Variants in AKR1B15 observed in about 807,000 individuals in gnomAD.
AKR1B15 encodes aldo-keto reductase family 1 member B15.
AKR1B15 carries 49 observed loss-of-function variants against 38.5 expected under a neutral mutation model. The observed-to-expected ratio is 1.27, with a 90% CI of 1.01 to 1.62. The LOEUF (loss-of-function observed/expected upper bound fraction) is 1.62, where lower values mean the gene tolerates loss of function less well. AKR1B15 is among the 40% of genes most tolerant of loss of function. The probability of loss-of-function intolerance (pLI) is 0.00; values close to 1 mark genes in which losing one functional copy is unlikely to be tolerated. For missense variants in AKR1B15, 411 were observed against 381.6 expected, an observed-to-expected ratio of 1.08 and a Z score of -0.64; for synonymous variants, 137 against 135.5, an observed-to-expected ratio of 1.01 and a Z score of -0.08.
intron 3 of AKR1B15, 75 bp from the exon 4 acceptor site, chr7:134,568,083 G>T (rs924251720): frequency 1.3e-6 from 2 of 1,567,484 alleles, no homozygotes; most frequent in East Asian, 4.6e-5. Flanking sequence ...TGTGAGGCCA[G>T]CCTGGGCAAC....
At chr7:134,564,565 T>G in intron 2 of AKR1B15, 33 bp from the exon 3 acceptor site, 2 of 675,942 alleles carry the variant, frequency 3.0e-6, no homozygotes, top group South Asian at 3.2e-5. Context: ...GGCCCTGTAT[T>G]TTTAACCTCC....
chr7:134,562,852 T>TTCTG (rs1382849803), intron 2 of AKR1B15, among the ~76,000 whole-genome samples: 2 of 110,898 alleles, frequency 1.8e-5, no homozygotes, highest in East Asian at 4.1e-4. Context: ...CTTTCTTTCT[T>TTCTG]TCTTTCTTTC....
At chr7:134,573,576 A>G (rs1318527745) in intron 6 of AKR1B15, 1 of 982,086 alleles carries the variant, frequency 1.0e-6, no homozygotes, top group Admixed American at 6.1e-5. Context: ...CAACCAGTTC[A>G]GTAGAAACCT....
intron 2 of AKR1B15, among the ~76,000 whole-genome samples, chr7:134,557,840 A>G (rs909234854): frequency 2.0e-5 from 3 of 152,164 alleles, no homozygotes; most frequent in Admixed American, 6.5e-5. Flanking sequence ...GCAATAAAGG[A>G]TCACTGAATT....
intron 1 of AKR1B15, among the ~76,000 whole-genome samples, 158 bp from the exon 2 acceptor site, chr7:134,556,578 A>C (rs1794204676): frequency 6.6e-6 from 1 of 151,962 alleles, no homozygotes; most frequent in African/African-American, 2.4e-5. Context: ...GGCACCCAAA[A>C]ATACCTGGTT....
chr7:134,550,542 G>C (rs1793931956), intron 1 of AKR1B15, among the ~76,000 whole-genome samples: 1 of 152,190 alleles, frequency 6.6e-6, no homozygotes, highest in Non-Finnish European at 1.5e-5. Context: ...CTCGAAGCTT[G>C]AGGAGACAGA....
intron 2 of AKR1B15, among the ~76,000 whole-genome samples, chr7:134,557,755 C>CT (rs1356931654): frequency 6.6e-6 from 1 of 152,000 alleles, no homozygotes; most frequent in Non-Finnish European, 1.5e-5. Flanking sequence ...CTCTTTAGAC[C>CT]AAGGTGTAAA....
Position 134,577,192 on chromosome 7 carries a change from G to A in AKR1B15, c.909+146G>A, listed in dbSNP as rs374259380. On this transcript the variant is annotated intron_variant, in intron 10 of 11. Transcript: ENST00000457545. ...TATCATTTTCCAGCCCAGGGAGCTA[G>A]GCTCGGTAGAGCTGAGATGAATGAC... is the stretch of plus-strand genomic sequence containing the variant. 9 of 863,988 alleles carry A rather than the reference G, an allele frequency of 1.0e-5. No homozygotes were observed. The South Asian group carries it at 1.2e-4, about 11-fold the overall frequency. The allele number at this position is 863,988 out of a possible 1,614,324, so 53.5% of individuals were successfully genotyped here. A position where few individuals can be genotyped will look rare whatever the true frequency, so the allele number is the denominator to read the frequency against.
chr7:134,557,137 A>G (rs977233883), intron 2 of AKR1B15, among the ~76,000 whole-genome samples: 2 of 152,196 alleles, frequency 1.3e-5, no homozygotes, highest in African/African-American at 4.8e-5. Context: ...GTACCAAAGT[A>G]CCAAAGCATG....
intron 9 of AKR1B15, 80 bp downstream of exon 9, chr7:134,576,510 T>C: frequency 6.6e-7 from 1 of 1,522,660 alleles, no homozygotes; most frequent in South Asian, 1.2e-5. Context: ...TGTCCTCAAC[T>C]GACTCCTTAA....
intron 2 of AKR1B15, among the ~76,000 whole-genome samples, chr7:134,562,430 T>A (rs1376920748): frequency 1.3e-5 from 2 of 150,804 alleles, no homozygotes; most frequent in Non-Finnish European, 3.0e-5. Flanking sequence ...TGCTGATTGG[T>A]CCATTTTACA....
At chr7:134,551,943 C>G (rs1298099327) in intron 1 of AKR1B15, among the ~76,000 whole-genome samples, 1 of 152,156 alleles carries the variant, frequency 6.6e-6, no homozygotes, top group Non-Finnish European at 1.5e-5. Context: ...GCCCCGGGAA[C>G]CCATGGTGAC....
At chr7:134,567,673 C>G (rs577756354) in intron 3 of AKR1B15, among the ~76,000 whole-genome samples, 6 of 152,168 alleles carry the variant, frequency 3.9e-5, no homozygotes, top group South Asian at 2.1e-4. Context: ...TCCTTATCAC[C>G]GTTTGGGGAA....
chr7:134,578,094 AG>A, intron 11 of AKR1B15, among the ~76,000 whole-genome samples: 1 of 152,198 alleles, frequency 6.6e-6, no homozygotes, highest in East Asian at 1.9e-4. Context: ...TCTGTGTGCC[AG>A]GCATTTTCTA....
At chr7:134,569,170 A>G (rs1486819236) in intron 4 of AKR1B15, among the ~76,000 whole-genome samples, 3 of 152,234 alleles carry the variant, frequency 2.0e-5, no homozygotes, top group Non-Finnish European at 4.4e-5. Flanking sequence ...TACTTAAATG[A>G]TCTGAGACAC....
At chr7:134,579,429 C>T in intron 11 of AKR1B15, 78 bp from the exon 12 acceptor site, 1 of 1,284,030 alleles carries the variant, frequency 7.8e-7, no homozygotes, top group Non-Finnish European at 1.1e-6. Context: ...CAGAGTCCAC[C>T]AGAGAAGAAT....
At chr7:134,565,715 G>A (rs1562948298) in intron 3 of AKR1B15, among the ~76,000 whole-genome samples, 1 of 152,172 alleles carries the variant, frequency 6.6e-6, no homozygotes, top group African/African-American at 2.4e-5. Context: ...GCTGATTCAA[G>A]CTGCAATGCT....
At chr7:134,549,981 G>A (rs1365616331) in intron 1 of AKR1B15, among the ~76,000 whole-genome samples, 1 of 152,128 alleles carries the variant, frequency 6.6e-6, no homozygotes, top group East Asian at 1.9e-4. Flanking sequence ...TGTTGTTATG[G>A]GGAAGGGTGT....
In AKR1B15 at chr7:134,577,685, G is replaced by C; in HGVS notation, c.910-19G>C. 1 of 1,611,884 alleles carries C rather than the reference G, an allele frequency of 6.2e-7. No homozygotes were observed. On this transcript the variant is annotated intron_variant, in intron 10 of 11. Coordinates refer to ENST00000457545, the MANE Select transcript of AKR1B15 (RefSeq NM_001080538.3). ...GTAACAGCCTTACCGATAATGTATT[G>C]GAATTCTTTCCTTTCTAGGTCTTTG...
Sources: allele counts gnomAD v4.1 joint callset (sites outside exome capture counted in the v4.1 genomes callset), GRCh38; gene constraint gnomAD v4.1.1; transcripts MANE v1.5; gene names NCBI Gene and HGNC (gene_info 2026-07-23, HGNC 2026-07-21).